The following PRDM15 variants were observed in gnomAD, a reference collection of about 807,000 sequenced individuals.
PRDM15 encodes PR/SET domain 15.
A neutral mutation model predicts 128.6 loss-of-function variants in PRDM15; 64 were observed. The observed-to-expected ratio is 0.50, with a 90% CI of 0.41 to 0.61. The LOEUF (loss-of-function observed/expected upper bound fraction) is 0.61. PRDM15 is among the 20% of genes least tolerant of loss of function. The pLI, the probability that PRDM15 is intolerant of heterozygous loss-of-function variation, is 0.00. For synonymous variants in PRDM15, 615 were observed against 621.8 expected (o/e 0.99, Z 0.16); for missense variants, 1,242 against 1,569.1 (o/e 0.79, Z 3.52).
intron 21 of PRDM15, among the ~76,000 whole-genome samples, chr21:41,808,076 T>C (rs1407429596): frequency 1.3e-5 from 2 of 152,206 alleles, no homozygotes; most frequent in African/African-American, 4.8e-5. Context: ...AAAACTCCGG[T>C]GTACAAAAGT....
chr21:41,807,762 G>C (rs1341241844), intron 21 of PRDM15, among the ~76,000 whole-genome samples: 2 of 152,206 alleles, frequency 1.3e-5, no homozygotes, highest in Non-Finnish European at 2.9e-5. Flanking sequence ...GACACAAAGA[G>C]AGCACAGGAT....
At position 41,847,099 on chromosome 21, in the gene PRDM15, G is replaced by T; in HGVS notation, c.631C>A (p.Leu211Ile). 6.5e-7 allele frequency: 1 copy of T among 1,549,624 alleles called. No individual in the cohort carries two copies. Among genetic ancestry groups the T allele is most frequent in the Non-Finnish European group, 8.7e-7 (1 of 1,144,606 alleles). Reference protein sequence around the residue: ...VCSATFLELQLLNEHLLGHLE... With the variant: ...VCSATFLELQILNEHLLGHLE... ...CACACGTCCTCCTTACCATTGAGGA[G>T]CTGCAGCTCCAGGAAGGTGGCAGAA... Residue 211 changes from leucine (L) to isoleucine (I), a missense_variant, in exon 6 of 24, where the codon CTC becomes ATC. Leu to Ile is a conservative substitution (Grantham distance 5). Transcript: ENST00000398548.
In PRDM15 at chr21:41,802,693, C is replaced by T. The variant is rs760311270; in HGVS notation, c.2943+19G>A. The stretch of plus-strand genomic sequence containing the variant: ...GAAAGTGACCGGCACCTAATCAGAA[C>T]ATAAAGCAGCAAACTGACCTGCTGA... On this transcript the variant is annotated intron_variant, in intron 23 of 23. Transcript: ENST00000398548. 1 of 1,610,644 alleles carries T rather than the reference C, an allele frequency of 6.2e-7. No homozygotes were observed. Among genetic ancestry groups the T allele is most frequent in the East Asian group, 2.2e-5 (1 of 44,872 alleles).
chr21:41,854,893 A>G lies in PRDM15; in HGVS notation c.286-75T>C, dbSNP rs1165152601. On this transcript the variant is annotated intron_variant, in intron 4 of 23. Coordinates refer to ENST00000398548, the MANE Select transcript of PRDM15 (RefSeq NM_001040424.3). The surrounding 1 kb of genome is among the most constrained non-coding windows in gnomAD (Gnocchi z 4.6). Reference sequence around the variant, plus strand: ...ATCTGTGTATCAGCGTGTGGGGGGCAGGTGCTGAGGAACCCATCTAGACAG... The same window carrying G: ...ATCTGTGTATCAGCGTGTGGGGGGCGGGTGCTGAGGAACCCATCTAGACAG... The G allele has an allele frequency of 2.6e-6, 4 of 1,511,766 alleles. No individual in the cohort carries two copies. The highest frequency in any genetic ancestry group is 1.9e-5 in the Admixed American group (1 of 53,604). The allele number at this position is 1,511,766 out of a possible 1,614,324, so 93.6% of individuals were successfully genotyped here. A position where few individuals can be genotyped will look rare whatever the true frequency, so the allele number is the denominator to read the frequency against.
Position 41,854,423 on chromosome 21 carries a change from C to T in PRDM15, c.538+143G>A. ...CAAGCAGAAAGACAGACCCGACTCT[C>T]CACTCCTCCACTCTCCGCATCCCAG... On this transcript the variant is annotated intron_variant, in intron 5 of 23. Transcript: ENST00000398548. This position sits in a 1 kb window ranked among gnomAD's most constrained non-coding sequence, Gnocchi z 4.6. The T allele has an allele frequency of 9.5e-7, 1 of 1,055,212 alleles. No individual in the cohort carries two copies. Among genetic ancestry groups the T allele is most frequent in the Non-Finnish European group, 1.3e-6 (1 of 743,112 alleles). 65.4% of individuals were successfully genotyped at this position (1,055,212 alleles called of 1,614,324 possible).
intron 18 of PRDM15, among the ~76,000 whole-genome samples, chr21:41,817,837 T>TG (rs1251015979): frequency 6.6e-6 from 1 of 152,252 alleles, no homozygotes; most frequent in African/African-American, 2.4e-5. Context: ...ATCTGGCAAC[T>TG]GATGTATTAA....
rs1209895490 is a variant in PRDM15, at chr21:41,859,806, C to A, written c.38-121G>T. On this transcript the variant is annotated intron_variant, in intron 2 of 23. Transcript: ENST00000398548. This position sits in a 1 kb window ranked among gnomAD's most constrained non-coding sequence, Gnocchi z 5.3. ...CCCAGAGTCATGAGACACATGCATG[C>A]CGACACTGCAAAGACAAGCAAGGGA... 5.2e-6 allele frequency: 4 copies of A among 771,986 alleles called. No homozygotes were observed. Among genetic ancestry groups the A allele is most frequent in the Non-Finnish European group, 8.7e-6 (4 of 459,650 alleles). 47.8% of individuals were successfully genotyped at this position (771,986 alleles called of 1,614,324 possible).
In PRDM15 at chr21:41,806,037, C is replaced by T. The variant is rs1055422409; in HGVS notation, c.2653-1423G>A. Among the ~76,000 whole-genome samples, 804 of 125,058 alleles carry T rather than the reference C, an allele frequency of 6.4e-3. 10 individuals carry two copies. Among genetic ancestry groups the T allele is most frequent in the East Asian group, 0.032 (120 of 3,758 alleles). The allele number at this position is 125,058 out of a possible 152,430, so 82.0% of individuals were successfully genotyped here. On this transcript the variant is annotated intron_variant, in intron 21 of 23. Coordinates refer to ENST00000398548, the MANE Select transcript of PRDM15 (RefSeq NM_001040424.3). ...CCACCATCACCACCACCACCATCAC[C>T]ACCACCATCACCACCACCACCATCA...
rs755561204 is a variant in PRDM15, at chr21:41,859,003, C to G, written c.131+589G>C. On this transcript the variant is annotated intron_variant, in intron 3 of 23. Transcript: ENST00000398548. This position sits in a 1 kb window ranked among gnomAD's most constrained non-coding sequence, Gnocchi z 5.3. Reference sequence around the variant, plus strand: ...ATCCTCTACAGAGGCCACCGAGGTCCGGAGAGGAGTGCCTTGTCCAAGCTC... The same window carrying G: ...ATCCTCTACAGAGGCCACCGAGGTCGGGAGAGGAGTGCCTTGTCCAAGCTC... 14 of 1,520,226 alleles carry G rather than the reference C, an allele frequency of 9.2e-6. No individual in the cohort carries two copies. The East Asian group carries it at 3.0e-4, about 32-fold the overall frequency. The allele number at this position is 1,520,226 out of a possible 1,614,324, so 94.2% of individuals were successfully genotyped here.
rs1009547737 is a variant in PRDM15, at chr21:41,829,026, C to A, written c.1367-693G>T. On this transcript the variant is annotated intron_variant, in intron 11 of 23. Coordinates refer to ENST00000398548, the MANE Select transcript of PRDM15 (RefSeq NM_001040424.3). ...AACCACACACACCACATACACACTA[C>A]ACACACACGCCCCACCCAAATGCAC... is the stretch of plus-strand genomic sequence containing the variant. Among the ~76,000 whole-genome samples, 62 of 146,882 alleles carry A rather than the reference C, an allele frequency of 4.2e-4. 1 individual carries two copies. The highest frequency in any genetic ancestry group is 1.5e-3 in the African/African-American group (60 of 39,554).
chr21:41,833,146 C>T (rs1320251713), intron 11 of PRDM15, among the ~76,000 whole-genome samples: 2 of 152,164 alleles, frequency 1.3e-5, no homozygotes. Context: ...TGCCTGAGGG[C>T]CTGGACGTGA....
intron 21 of PRDM15, among the ~76,000 whole-genome samples, chr21:41,806,442 T>C (rs111220526): frequency 8.0e-3 from 70 of 8,734 alleles, no homozygotes; most frequent in Admixed American, 0.013. Context: ...ACCACCACCA[T>C]CACCACCACC....
chr21:41,802,316 GTCT>G (rs2061436906), intron 23 of PRDM15, among the ~76,000 whole-genome samples: 1 of 152,204 alleles, frequency 6.6e-6, no homozygotes, highest in Non-Finnish European at 1.5e-5. Flanking sequence ...TTGTGGGATT[GTCT>G]TCACCTTCCA....
chr21:41,871,718 G>A, intron 1 of PRDM15: 1 of 1,365,632 alleles, frequency 7.3e-7, no homozygotes, highest in Non-Finnish European at 9.9e-7. Context: ...GTGGTCCTCT[G>A]TTGTTACCAC....
chr21:41,810,592 G>A lies in PRDM15; in HGVS notation c.2476+161C>T. The A allele has an allele frequency of 9.2e-6, 6 of 652,216 alleles. No individual in the cohort carries two copies. Among genetic ancestry groups the A allele is most frequent in the Non-Finnish European group, 1.6e-5 (6 of 380,232 alleles). 40.4% of individuals were successfully genotyped at this position (652,216 alleles called of 1,614,324 possible). ...GGATACTTGAAAGCTGTGGCGGGTT[G>A]ACCTTCAGAGGCCAAGGGGCCACCA... On this transcript the variant is annotated intron_variant, in intron 20 of 23. Transcript: ENST00000398548. The surrounding 1 kb of genome is among the most constrained non-coding windows in gnomAD (Gnocchi z 6.4).
rs1569007826 is a variant in PRDM15 at position 41,861,924 on chromosome 21, C to T, written c.-9-1552G>A. 8 of 1,613,224 alleles carry T rather than the reference C, an allele frequency of 5.0e-6. No homozygotes were observed. In the African/African-American group the frequency reaches 6.7e-5, roughly 13 times the overall value. On this transcript the variant is annotated intron_variant, in intron 1 of 23. Coordinates refer to ENST00000398548, the MANE Select transcript of PRDM15 (RefSeq NM_001040424.3). ...TGTATCTTCTTTTCCTGGGAACACA[C>T]ATTCACGTTCAAAGGTATCTCGTGC...
chr21:41,836,396 C>T (rs1221611393), intron 9 of PRDM15, 72 bp downstream of exon 9: 9 of 1,487,672 alleles, frequency 6.0e-6, no homozygotes, highest in East Asian at 4.6e-5. Flanking sequence ...GGGGAGACTC[C>T]GTGCTGTCCT....
chr21:41,863,320 C>T (rs1367027529), intron 1 of PRDM15: 1 of 152,152 alleles, frequency 6.6e-6, no homozygotes, highest in East Asian at 1.9e-4. Flanking sequence ...AAATGCACAT[C>T]CTTGCCTCCC....
At chr21:41,807,659 G>T (rs2061724839) in intron 21 of PRDM15, among the ~76,000 whole-genome samples, 1 of 152,176 alleles carries the variant, frequency 6.6e-6, no homozygotes. Flanking sequence ...GGAGGGCAGG[G>T]ATGGACCCTG....
Sources: allele counts gnomAD v4.1 joint callset (sites outside exome capture counted in the v4.1 genomes callset), GRCh38; gene constraint gnomAD v4.1.1; non-coding constraint Gnocchi (gnomAD v3.1); transcripts MANE v1.5; gene names NCBI Gene and HGNC (gene_info 2026-07-23, HGNC 2026-07-21).